The following EEFSEC variants were observed in gnomAD, a reference collection of about 807,000 sequenced individuals.
EEFSEC encodes selenocysteine-specific elongation factor.
Under a neutral mutation model 42.1 loss-of-function variants are expected in EEFSEC, and 43 were observed. The observed-to-expected ratio is 1.02, with a 90% CI of 0.80 to 1.32. EEFSEC has a LOEUF of 1.32. Among genes scored for constraint, EEFSEC ranks in the 40% most tolerant of loss-of-function variants. The pLI is 0.00. For missense variants in EEFSEC, 745 were observed against 803.6 expected (o/e 0.93, Z 0.88); for synonymous variants, 354 against 339.1 (o/e 1.04, Z -0.48).
chr3:128,359,015 C>T (rs2107590102), intron 6 of EEFSEC, among the ~76,000 whole-genome samples: 1 of 152,274 alleles, frequency 6.6e-6, no homozygotes, highest in East Asian at 1.9e-4. Context: ...ATGGAGCTTA[C>T]AGTTGTAGGA....
At chr3:128,275,822 G>C (rs2066462429) in intron 4 of EEFSEC, among the ~76,000 whole-genome samples, 1 of 152,230 alleles carries the variant, frequency 6.6e-6, no homozygotes, top group Non-Finnish European at 1.5e-5. Flanking sequence ...GTTCGTAGGT[G>C]GTTGTGGTCA....
chr3:128,191,767 G>A (rs1194921835), intron 1 of EEFSEC, among the ~76,000 whole-genome samples: 2 of 152,262 alleles, frequency 1.3e-5, no homozygotes, highest in Non-Finnish European at 1.5e-5. Context: ...GTTCATCCAC[G>A]TTGTATCATG....
chr3:128,290,573 T>C (rs1228300119), intron 4 of EEFSEC, among the ~76,000 whole-genome samples: 1 of 152,134 alleles, frequency 6.6e-6, no homozygotes, highest in Non-Finnish European at 1.5e-5. Flanking sequence ...AGTCAACTTT[T>C]TTTTTTTTTT....
At chr3:128,250,213 A>G (rs1056763905) in intron 2 of EEFSEC, among the ~76,000 whole-genome samples, 4 of 152,062 alleles carry the variant, frequency 2.6e-5, no homozygotes, top group African/African-American at 9.7e-5. Flanking sequence ...TTGTCTTTTC[A>G]CTTCGTTGAT....
At chr3:128,190,602 G>A (rs2065513492) in intron 1 of EEFSEC, among the ~76,000 whole-genome samples, 7 of 152,190 alleles carry the variant, frequency 4.6e-5, no homozygotes, top group Admixed American at 3.9e-4. Context: ...TATTATTAAA[G>A]AAAAATGTTT....
At position 128,376,887 on chromosome 3, in the gene EEFSEC, C is replaced by G. The variant is rs943492581; in HGVS notation, c.1600+18514C>G. Among the ~76,000 whole-genome samples the G allele has an allele frequency of 2.6e-5, 4 of 152,234 alleles. No individual in the cohort carries two copies. The East Asian group carries it at 5.8e-4, about 22-fold the overall frequency. ...TTCTGCACCCAAAGGTTTGGGGAAC[C>G]CTCACACTGTGGGCTAATTTCCCTC... is the stretch of plus-strand genomic sequence containing the variant. On this transcript the variant is annotated intron_variant, in intron 6 of 6. Transcript: ENST00000254730.
Position 128,276,721 on chromosome 3 carries a change from A to G in EEFSEC, c.786+11940A>G, listed in dbSNP as rs562035523. ...CAGTTCACCTTCTACCAGTAGGGGT[A>G]TGAGTTGGTAAATCACCTTATTTAC... On this transcript the variant is annotated intron_variant, in intron 4 of 6. Transcript: ENST00000254730. Among the ~76,000 whole-genome samples the G allele has an allele frequency of 7.9e-5, 12 of 152,260 alleles. No homozygotes were observed. The East Asian group carries it at 2.3e-3, about 29-fold the overall frequency.
intron 1 of EEFSEC, among the ~76,000 whole-genome samples, chr3:128,229,597 C>G (rs2107863045): frequency 6.6e-6 from 1 of 152,364 alleles, no homozygotes; most frequent in Non-Finnish European, 1.5e-5. Context: ...TTTCTTCGAA[C>G]TTTCCTTTCT....
intron 6 of EEFSEC, among the ~76,000 whole-genome samples, chr3:128,407,804 G>A (rs1466796273): frequency 2.0e-5 from 3 of 152,196 alleles, no homozygotes; most frequent in Non-Finnish European, 2.9e-5. Context: ...GAAAGCAATG[G>A]ACCACTCGGC....
intron 1 of EEFSEC, among the ~76,000 whole-genome samples, chr3:128,231,166 G>C (rs563981315): frequency 3.2e-4 from 48 of 151,988 alleles, no homozygotes; most frequent in Non-Finnish European, 5.3e-4. Flanking sequence ...AACTTTCCAA[G>C]CCTCAGATTT....
chr3:128,163,904 A>G (rs1327451130), intron 1 of EEFSEC, among the ~76,000 whole-genome samples: 5 of 151,270 alleles, frequency 3.3e-5, no homozygotes, highest in Admixed American at 2.6e-4. Context: ...CAAAGCGAGC[A>G]TATGCTTTGG....
At chr3:128,235,941 G>GGTTTGTTTGTTT (rs66797888) in intron 1 of EEFSEC, among the ~76,000 whole-genome samples, 53 of 149,192 alleles carry the variant, frequency 3.6e-4, no homozygotes, top group East Asian at 9.9e-4. Flanking sequence ...GATGGGCAAA[G>GGTTTGTTTGTTT]GTTTGTTTGT....
At chr3:128,174,189 G>T (rs942771749) in intron 1 of EEFSEC, among the ~76,000 whole-genome samples, 1 of 152,210 alleles carries the variant, frequency 6.6e-6, no homozygotes. Context: ...GGTGAAAAAG[G>T]CCAGTGAAAC....
intron 4 of EEFSEC, among the ~76,000 whole-genome samples, chr3:128,275,262 G>A (rs996579521): frequency 1.3e-5 from 2 of 152,234 alleles, no homozygotes; most frequent in African/African-American, 4.8e-5. Flanking sequence ...AATGGCAATT[G>A]ACAGTGCCAG....
chr3:128,223,288 C>T (rs975809970), intron 1 of EEFSEC, among the ~76,000 whole-genome samples: 4 of 152,194 alleles, frequency 2.6e-5, no homozygotes, highest in Non-Finnish European at 4.4e-5. Flanking sequence ...GGTCCTGATT[C>T]TTACCCTTAT....
rs528829330 is a variant in EEFSEC at position 128,276,003 on chromosome 3, G to A, written c.786+11222G>A. 7.2e-5 allele frequency among the ~76,000 whole-genome samples: 11 copies of A among 152,282 alleles called. No homozygotes were observed. In the South Asian group the frequency reaches 8.3e-4, roughly 11 times the overall value. ...CAGGGTCTCGAGGCTCCTGGGTGCCGCTGCTCCCCACTCCGCCCCCTCATG... is the reference window on the plus strand; with the variant it reads ...CAGGGTCTCGAGGCTCCTGGGTGCCACTGCTCCCCACTCCGCCCCCTCATG... On this transcript the variant is annotated intron_variant, in intron 4 of 6. Coordinates refer to ENST00000254730, the MANE Select transcript of EEFSEC (RefSeq NM_021937.5).
At chr3:128,289,458 G>A (rs1389057268) in intron 4 of EEFSEC, among the ~76,000 whole-genome samples, 6 of 152,194 alleles carry the variant, frequency 3.9e-5, no homozygotes, top group Admixed American at 3.9e-4. Context: ...GGGAAGAACT[G>A]TACTTCTTTA....
At chr3:128,175,788 G>T (rs1463110808) in intron 1 of EEFSEC, among the ~76,000 whole-genome samples, 1 of 152,194 alleles carries the variant, frequency 6.6e-6, no homozygotes, top group East Asian at 1.9e-4. Flanking sequence ...CTCTAATTAG[G>T]CCTGCAGGTA....
At chr3:128,362,830 A>T (rs1468595841) in intron 6 of EEFSEC, among the ~76,000 whole-genome samples, 1 of 152,178 alleles carries the variant, frequency 6.6e-6, no homozygotes, top group Non-Finnish European at 1.5e-5. Context: ...ACGTGCCGGG[A>T]GCTCAAAAGG....
Sources: gnomAD v4.1 joint callset for allele counts (sites outside exome capture counted in the v4.1 genomes callset) on GRCh38, gnomAD v4.1.1 for gene constraint, MANE v1.5 for transcripts, NCBI Gene and HGNC (gene_info 2026-07-23, HGNC 2026-07-21) for gene names.